Variants in RBP5 observed in about 807,000 individuals in gnomAD.
RBP5 encodes the protein retinol-binding protein 5.
In RBP5, 12 loss-of-function variants were observed where a neutral mutation model predicts 17.8. The observed-to-expected ratio is 0.67, with a 90% CI of 0.43 to 1.09. The LOEUF is 1.09. Among genes scored for constraint, RBP5 ranks in the 50% least tolerant of loss-of-function variants. The pLI is 0.00. For synonymous variants in RBP5, 64 were observed against 68.1 expected (o/e 0.94, Z 0.30); for missense variants, 172 against 169.4 (o/e 1.02, Z -0.09).
rs764400741 is a variant in RBP5 at position 7,124,196 on chromosome 12, G to T, written c.355-22C>A. On this transcript the variant is annotated intron_variant, in intron 3 of 3. Coordinates refer to ENST00000266560, the MANE Select transcript of RBP5 (RefSeq NM_031491.4). This position sits in a 1 kb window ranked among gnomAD's most constrained non-coding sequence, Gnocchi z 5.3. The stretch of plus-strand genomic sequence containing the variant: ...GTTCCTGGGGAGAGAGGGGAAGTGA[G>T]GGGGAGAGAGAAAGAGGGCGTTTGC... The T allele has an allele frequency of 6.2e-7, 1 of 1,613,276 alleles. No homozygotes were observed. The highest frequency in any genetic ancestry group is 1.1e-5 in the South Asian group (1 of 91,042).
intron 2 of RBP5, chr12:7,127,612 C>T (rs1472920494): frequency 2.9e-6 from 2 of 688,744 alleles, no homozygotes; most frequent in African/African-American, 1.8e-5. Context: ...GGATGCAGAA[C>T]CCATGAATAT....
In RBP5 at chr12:7,128,150, G is replaced by T. The variant is rs1939205661; in HGVS notation, c.252+90C>A. 1.7e-6 allele frequency: 2 copies of T among 1,205,712 alleles called. No individual in the cohort carries two copies. Among genetic ancestry groups the T allele is most frequent in the African/African-American group, 1.5e-5 (1 of 66,184 alleles). The allele number at this position is 1,205,712 out of a possible 1,614,324, so 74.7% of individuals were successfully genotyped here. A position where few individuals can be genotyped will look rare whatever the true frequency, so the allele number is the denominator to read the frequency against. Reference sequence around the variant, plus strand: ...CATTCCCCTCCTCCCCGCTGCTCTGGCTGGGGAAGGTCACTTTGTTTTGCC... The same window carrying T: ...CATTCCCCTCCTCCCCGCTGCTCTGTCTGGGGAAGGTCACTTTGTTTTGCC... On this transcript the variant is annotated intron_variant, in intron 2 of 3. Coordinates refer to ENST00000266560, the MANE Select transcript of RBP5 (RefSeq NM_031491.4). This position sits in a 1 kb window ranked among gnomAD's most constrained non-coding sequence, Gnocchi z 5.3.
Position 7,124,502 on chromosome 12 carries a change from G to T in RBP5, c.354+127C>A. 1.5e-6 allele frequency: 1 copy of T among 677,316 alleles called. No homozygotes were observed. The allele number at this position is 677,316 out of a possible 1,614,324, so 42.0% of individuals were successfully genotyped here. ...CCCAGTGCTTTTGCTTTCCCTCCCTGGTCAATTCCTTGGATAGGGATTGGG... is the reference window on the plus strand; with the variant it reads ...CCCAGTGCTTTTGCTTTCCCTCCCTTGTCAATTCCTTGGATAGGGATTGGG... On this transcript the variant is annotated intron_variant, in intron 3 of 3. Transcript: ENST00000266560. The surrounding 1 kb of genome is among the most constrained non-coding windows in gnomAD (Gnocchi z 5.3).
chr12:7,119,225 G>C (rs1253542940), downstream of RBP5, among the ~76,000 whole-genome samples: 2 of 151,302 alleles, frequency 1.3e-5, no homozygotes, highest in Admixed American at 1.3e-4. Flanking sequence ...AAGGGCTGGG[G>C]GGTAGGGGTG....
chr12:7,119,194 T>A (rs1282324800), downstream of RBP5, among the ~76,000 whole-genome samples: 1 of 22,548 alleles, frequency 4.4e-5, no homozygotes. Context: ...GTACGTACTG[T>A]GGGGGATGGG....
At chr12:7,121,184 G>A (rs1196665967), downstream of RBP5, among the ~76,000 whole-genome samples, 1 of 152,076 alleles carries the variant, frequency 6.6e-6, no homozygotes, top group Non-Finnish European at 1.5e-5. Flanking sequence ...TCCATCGTCC[G>A]CATGCTGGGG....
chr12:7,121,459 G>T (rs1939081052), downstream of RBP5, among the ~76,000 whole-genome samples: 1 of 152,146 alleles, frequency 6.6e-6, no homozygotes, highest in Admixed American at 6.5e-5. Context: ...CAACATATAG[G>T]CCTGGGCACG....
chr12:7,128,394 A>T lies in RBP5; in HGVS notation c.98T>A (p.Ile33Asn). 6.2e-7 allele frequency: 1 copy of T among 1,614,138 alleles called. No homozygotes were observed. The highest frequency in any genetic ancestry group is 8.5e-7 in the Non-Finnish European group (1 of 1,179,988). ...CTTGTCCGGCTTCAGCAGCAGCGCG[A>T]TCTTCCGCACAGCCAAGCTGATGTC... The part of the protein sequence containing the change: ...ALNISLAVRK[I>N]ALLLKPDKEI... The change falls in exon 2 of 4, where the codon ATC becomes AAC. Residue 33 changes from isoleucine to asparagine, a missense_variant. Coordinates refer to ENST00000266560, the MANE Select transcript of RBP5 (RefSeq NM_031491.4). The surrounding 1 kb of genome is among the most constrained non-coding windows in gnomAD (Gnocchi z 5.3).
intron 2 of RBP5, chr12:7,127,477 T>C: frequency 3.5e-6 from 2 of 575,972 alleles, no homozygotes; most frequent in Non-Finnish European, 6.2e-6. Context: ...TAATACCTAA[T>C]GCAATGTACA....
downstream of RBP5, chr12:7,119,597 C>T (rs1432771213): frequency 6.5e-6 from 1 of 154,852 alleles, no homozygotes; most frequent in African/African-American, 2.4e-5. Context: ...CACTGTGTAA[C>T]CTCAAGGGTA....
exon 4 of RBP5, chr12:7,116,014 C>T (rs1391759808): frequency 6.6e-6 from 1 of 152,208 alleles, no homozygotes. Context: ...GGCCCCTCCT[C>T]CAACACGTGG....
At chr12:7,119,304 C>A (rs1939047957), downstream of RBP5, among the ~76,000 whole-genome samples, 1 of 151,940 alleles carries the variant, frequency 6.6e-6, no homozygotes, top group Non-Finnish European at 1.5e-5. Flanking sequence ...CTGCGTCATC[C>A]CTTTTCTCCT....
Position 7,128,318 on chromosome 12 carries a change from G to T in RBP5, c.174C>A (p.Phe58Leu). ...CATCAAACTGCACAGTGTAGTTTCG[G>T]AAGGTGCTGAGCGTCCTCACCGTCA... is the stretch of plus-strand genomic sequence containing the variant. ...NHMTVRTLSTFRNYTVQFDVG... is the reference protein window; with the variant it reads ...NHMTVRTLSTLRNYTVQFDVG... The change falls in exon 2 of 4, where the codon TTC (phenylalanine) becomes TTA (leucine). Residue 58 changes from phenylalanine (F) to leucine (L), a missense_variant. Physicochemically the swap from Phe to Leu is conservative, Grantham distance 22. Coordinates refer to ENST00000266560, the MANE Select transcript of RBP5 (RefSeq NM_031491.4). This position sits in a 1 kb window ranked among gnomAD's most constrained non-coding sequence, Gnocchi z 5.3. The T allele has an allele frequency of 6.2e-7, 1 of 1,614,166 alleles. No homozygotes were observed. The highest frequency in any genetic ancestry group is 1.1e-5 in the South Asian group (1 of 91,076).
In RBP5 at chr12:7,115,739, A is replaced by G. The variant is rs778007009; in HGVS notation, n.2458T>C. 9 of 152,472 alleles carry G rather than the reference A, an allele frequency of 5.9e-5. No individual in the cohort carries two copies. In the East Asian group the frequency reaches 1.2e-3, roughly 20 times the overall value. The allele number at this position is 152,472 out of a possible 1,614,324, so 9.4% of individuals were successfully genotyped here. A position where few individuals can be genotyped will look rare whatever the true frequency, so the allele number is the denominator to read the frequency against. ...AGAACTACCTGAGACTGGGGAATTC[A>G]TGAAGAGAAGAAGTTTAATTGACTC... On this transcript the variant is annotated non_coding_transcript_exon_variant, in exon 4 of 4. Coordinates refer to the RBP5 transcript ENST00000619522.
At chr12:7,120,339 C>T (rs1340219107), downstream of RBP5, among the ~76,000 whole-genome samples, 1 of 152,098 alleles carries the variant, frequency 6.6e-6, no homozygotes, top group Non-Finnish European at 1.5e-5. Flanking sequence ...TGGCTGAGGT[C>T]TGGGGAGAGG....
chr12:7,128,482 GC>G lies in RBP5; in HGVS notation c.74-65del. 1 of 1,522,956 alleles carries G rather than the reference GC, an allele frequency of 6.6e-7. No homozygotes were observed. The highest frequency in any genetic ancestry group is 9.1e-7 in the Non-Finnish European group (1 of 1,104,674). The allele number at this position is 1,522,956 out of a possible 1,614,324, so 94.3% of individuals were successfully genotyped here. A position where few individuals can be genotyped will look rare whatever the true frequency, so the allele number is the denominator to read the frequency against. ...GCCAGGAGCTCCTCTGCCTGCAGCA[GC>G]CCCTCAGGGCTGTGAGTTTCCCTTC... On this transcript the variant is annotated intron_variant, in intron 1 of 3. Transcript: ENST00000266560. The surrounding 1 kb of genome is among the most constrained non-coding windows in gnomAD (Gnocchi z 5.3).
chr12:7,127,236 C>T (rs1190926972), intron 2 of RBP5, among the ~76,000 whole-genome samples: 24 of 151,852 alleles, frequency 1.6e-4, no homozygotes, highest in Admixed American at 1.5e-3. Flanking sequence ...TCAGGTGATC[C>T]GCCCGCCTTG....
At chr12:7,121,374 G>A (rs1939079718), downstream of RBP5, among the ~76,000 whole-genome samples, 1 of 152,210 alleles carries the variant, frequency 6.6e-6, no homozygotes. Flanking sequence ...GTCCAACCAT[G>A]TTACAGGATT....
In RBP5 at chr12:7,124,036, A is replaced by G; in HGVS notation, c.*85T>C. 7.6e-7 allele frequency: 1 copy of G among 1,322,920 alleles called. No individual in the cohort carries two copies. Among genetic ancestry groups the G allele is most frequent in the Non-Finnish European group, 1.1e-6 (1 of 914,994 alleles). The allele number at this position is 1,322,920 out of a possible 1,614,324, so 81.9% of individuals were successfully genotyped here. A position where few individuals can be genotyped will look rare whatever the true frequency, so the allele number is the denominator to read the frequency against. ...AGGTGGCCAGAGGAAGGGACAGCTG[A>G]CCTGGCACAATCTGGGCTTGAAGGG... On this transcript the variant is annotated 3_prime_UTR_variant, in exon 4 of 4. Coordinates refer to ENST00000266560, the MANE Select transcript of RBP5 (RefSeq NM_031491.4). The surrounding 1 kb of genome is among the most constrained non-coding windows in gnomAD (Gnocchi z 5.3).
Sources: allele counts gnomAD v4.1 joint callset (sites outside exome capture counted in the v4.1 genomes callset), GRCh38; gene constraint gnomAD v4.1.1; non-coding constraint Gnocchi (gnomAD v3.1); transcripts MANE v1.5; gene names NCBI Gene and HGNC (gene_info 2026-07-23, HGNC 2026-07-21).